The following PDE11A variants were observed in gnomAD, a reference collection of about 807,000 sequenced individuals.
PDE11A encodes the protein dual 3',5'-cyclic-AMP and -GMP phosphodiesterase 11A.
A neutral mutation model predicts 100.5 loss-of-function variants in PDE11A; 100 were observed. That is an observed-to-expected ratio of 1.00 (90% confidence interval 0.85 to 1.18). The LOEUF is 1.18. Among genes scored for constraint, PDE11A ranks in the 50% most tolerant of loss-of-function variants. The pLI, the probability that PDE11A is intolerant of heterozygous loss-of-function variation, is 0.00. For missense variants in PDE11A, 1,141 were observed against 1,152.6 expected (o/e 0.99, Z 0.15); for synonymous variants, 381 against 420.8 (o/e 0.91, Z 1.16).
rs571060989 is a variant in PDE11A at position 177,781,037 on chromosome 2, A to G, written c.1738-11664T>C. ...CTTTCAGCCTATCTCACCTTTTGACATGCCTTTCTCACTAAGCTTAATCAT... is the reference window on the plus strand; with the variant it reads ...CTTTCAGCCTATCTCACCTTTTGACGTGCCTTTCTCACTAAGCTTAATCAT... On this transcript the variant is annotated intron_variant, in intron 9 of 19. Transcript: ENST00000286063. 2.0e-5 allele frequency among the ~76,000 whole-genome samples: 3 copies of G among 152,322 alleles called. No individual in the cohort carries two copies. In the South Asian group the frequency reaches 6.2e-4, roughly 32 times the overall value.
At chr2:177,651,415 A>C (rs1194792359) in intron 19 of PDE11A, among the ~76,000 whole-genome samples, 2 of 152,214 alleles carry the variant, frequency 1.3e-5, no homozygotes, top group Non-Finnish European at 2.9e-5. Flanking sequence ...CATTTGCTCC[A>C]AGAAGAAAGT....
At chr2:177,697,085 G>A (rs114112773) in intron 15 of PDE11A, among the ~76,000 whole-genome samples, 680 of 152,282 alleles carry the variant, frequency 4.5e-3, no homozygotes, top group Non-Finnish European at 5.6e-3. Context: ...TCAGAGTTGT[G>A]TGTCAAACAA....
intron 19 of PDE11A, among the ~76,000 whole-genome samples, chr2:177,648,733 T>C (rs1276500258): frequency 6.6e-6 from 1 of 151,944 alleles, no homozygotes; most frequent in African/African-American, 2.4e-5. Flanking sequence ...AGACTAAAAA[T>C]AGAAACAAAG....
intron 2 of PDE11A, among the ~76,000 whole-genome samples, chr2:178,100,899 A>T (rs928443566): frequency 6.6e-6 from 1 of 152,186 alleles, no homozygotes; most frequent in African/African-American, 2.4e-5. Flanking sequence ...GAAGTTCAAA[A>T]ATTGTGCTTA....
At chr2:178,091,899 T>C (rs1178847029) in intron 2 of PDE11A, among the ~76,000 whole-genome samples, 2 of 152,194 alleles carry the variant, frequency 1.3e-5, no homozygotes, top group African/African-American at 2.4e-5. Flanking sequence ...TAGCAGAGTA[T>C]CTTAATGCAG....
intron 14 of PDE11A, 126 bp from the exon 15 acceptor site, chr2:177,697,558 A>G (rs2081132583): frequency 1.1e-5 from 7 of 648,896 alleles, no homozygotes; most frequent in Non-Finnish European, 2.0e-5. Context: ...GCATAGTGAA[A>G]TTTTGTATAA....
chr2:177,871,806 A>AACTATGATTGCACCACTGC (rs1037602005), intron 5 of PDE11A, among the ~76,000 whole-genome samples: 1 of 151,912 alleles, frequency 6.6e-6, no homozygotes, highest in African/African-American at 2.4e-5. Flanking sequence ...GATTACAGTG[A>AACTATGATTGCACCACTGC]ACTATGATTG....
chr2:177,820,235 T>A lies in PDE11A; in HGVS notation c.1561A>T (p.Asn521Tyr). ...SVLCVPIWNS[N>Y]HQIIGVAQVL... ...CATCTCTTACCAATTATTTGGTGGT[T>A]GCTATTCCAAATAGGGACACAAAGA... Residue 521 changes from asparagine to tyrosine, a missense_variant, in exon 7 of 20, where the codon AAC (asparagine) becomes TAC (tyrosine). By Grantham distance (143) the Asn-to-Tyr change is moderately radical (BLOSUM62 -2). Coordinates refer to ENST00000286063, the MANE Select transcript of PDE11A (RefSeq NM_016953.4). The A allele has an allele frequency of 6.4e-7, 1 of 1,553,140 alleles. No individual in the cohort carries two copies. Among genetic ancestry groups the A allele is most frequent in the South Asian group, 1.1e-5 (1 of 89,794 alleles).
chr2:177,740,021 A>T (rs1559168131), intron 10 of PDE11A, among the ~76,000 whole-genome samples: 1 of 152,344 alleles, frequency 6.6e-6, no homozygotes, highest in East Asian at 1.9e-4. Context: ...ACAAGTACAT[A>T]CATGCACACA....
At chr2:177,906,027 C>T (rs2084780411) in intron 2 of PDE11A, among the ~76,000 whole-genome samples, 1 of 152,114 alleles carries the variant, frequency 6.6e-6, no homozygotes, top group South Asian at 2.1e-4. Flanking sequence ...ATAGAATGCT[C>T]CAAGTAAAAA....
At chr2:178,033,888 T>A (rs892395429) in intron 1 of PDE11A, among the ~76,000 whole-genome samples, 1 of 152,104 alleles carries the variant, frequency 6.6e-6, no homozygotes, top group African/African-American at 2.4e-5. Flanking sequence ...ACAAGACCCC[T>A]GAAGGAAGCA....
chr2:177,936,522 CA>C (rs2085274006), intron 2 of PDE11A, among the ~76,000 whole-genome samples: 1 of 152,202 alleles, frequency 6.6e-6, no homozygotes, highest in South Asian at 2.1e-4. Context: ...CTGAGAAGAA[CA>C]GGTCTCTAAA....
At chr2:177,866,913 A>C (rs2084038659) in intron 5 of PDE11A, among the ~76,000 whole-genome samples, 1 of 152,272 alleles carries the variant, frequency 6.6e-6, no homozygotes, top group Non-Finnish European at 1.5e-5. Context: ...AGTCTAAAGC[A>C]GTGTTTTTCA....
intron 2 of PDE11A, among the ~76,000 whole-genome samples, chr2:178,095,907 A>G (rs942928610): frequency 5.9e-5 from 9 of 152,148 alleles, no homozygotes; most frequent in Non-Finnish European, 2.9e-5. Context: ...GTGGCTGGGA[A>G]GCAGGGCACC....
rs1410898212 is a variant in PDE11A, at chr2:177,711,896, ATGGCAACAGTCACTAC to A, written c.2044-34_2044-19del. ...CCAGCAGTCTGGGAAGAAGGGGAAA[ATGGCAACAGTCACTAC>A]TGGGGTACGGAGGATGGATAAGGTT... is the stretch of plus-strand genomic sequence containing the variant. On this transcript the variant is annotated intron_variant, in intron 12 of 19. Coordinates refer to ENST00000286063, the MANE Select transcript of PDE11A (RefSeq NM_016953.4). 7.4e-7 allele frequency: 1 copy of A among 1,352,458 alleles called. No homozygotes were observed. Among genetic ancestry groups the A allele is most frequent in the Non-Finnish European group, 1.1e-6 (1 of 941,858 alleles). The allele number at this position is 1,352,458 out of a possible 1,614,324, so 83.8% of individuals were successfully genotyped here.
intron 10 of PDE11A, among the ~76,000 whole-genome samples, chr2:177,734,535 T>G (rs1014546270): frequency 1.3e-5 from 2 of 152,192 alleles, no homozygotes; most frequent in Non-Finnish European, 2.9e-5. Context: ...TAAATTCTCC[T>G]GGCAATTGTT....
chr2:177,962,141 T>C (rs2085642569), intron 2 of PDE11A, among the ~76,000 whole-genome samples: 1 of 151,898 alleles, frequency 6.6e-6, no homozygotes, highest in Non-Finnish European at 1.5e-5. Flanking sequence ...GAAATGCTAC[T>C]TTATGTTGTC....
chr2:177,728,293 C>G (rs1386644691), intron 10 of PDE11A, 121 bp from the exon 11 acceptor site: 5 of 770,214 alleles, frequency 6.5e-6, no homozygotes, highest in Non-Finnish European at 1.1e-5. Flanking sequence ...CACTTACACC[C>G]TGATACAGCT....
At chr2:178,033,229 C>T (rs1266508351) in intron 1 of PDE11A, among the ~76,000 whole-genome samples, 2 of 152,142 alleles carry the variant, frequency 1.3e-5, no homozygotes, top group African/African-American at 2.4e-5. Context: ...CTGAAAAACA[C>T]AGCACGAGAA....
Sources: gnomAD v4.1 joint callset for allele counts (sites outside exome capture counted in the v4.1 genomes callset) on GRCh38, gnomAD v4.1.1 for gene constraint, MANE v1.5 for transcripts, NCBI Gene and HGNC (gene_info 2026-07-23, HGNC 2026-07-21) for gene names.